Variants in COLEC10 observed in about 807,000 individuals in gnomAD.
COLEC10 encodes the protein collectin subfamily member 10, also known as collectin-10.
In COLEC10, 22 loss-of-function variants were observed where a neutral mutation model predicts 28.4. The ratio of observed to expected loss-of-function variants is 0.78; its 90% CI spans 0.55 to 1.11. The LOEUF (loss-of-function observed/expected upper bound fraction) is 1.11. COLEC10 is among the 50% of genes least tolerant of loss of function. The pLI is 0.00. For synonymous variants in COLEC10, 125 were observed against 116.1 expected, an observed-to-expected ratio of 1.08 and a Z score of -0.49; for missense variants, 361 against 344.1, an observed-to-expected ratio of 1.05 and a Z score of -0.39.
At chr8:119,033,362 C>CA (rs33910332) in intron 2 of COLEC10, among the ~76,000 whole-genome samples, 95,358 of 151,976 alleles carry the variant, frequency 0.63, 30,941 homozygotes, top group African/African-American at 0.79. Flanking sequence ...ACTATAACAC[C>CA]AAAGCAATGG....
At chr8:118,962,566 A>G in the COLEC10 span, among the ~76,000 whole-genome samples, 1 of 152,110 alleles carries the variant, frequency 6.6e-6, no homozygotes, top group Non-Finnish European at 1.5e-5. Flanking sequence ...CATATTCAAT[A>G]CCTCCCAACC....
chr8:119,030,484 T>C (rs1271697879), intron 2 of COLEC10, among the ~76,000 whole-genome samples: 1 of 152,034 alleles, frequency 6.6e-6, no homozygotes, highest in Non-Finnish European at 1.5e-5. Flanking sequence ...GCCAATATGG[T>C]GAAACCCCGT....
At chr8:119,049,765 G>T (rs1814646397) in intron 2 of COLEC10, among the ~76,000 whole-genome samples, 1 of 152,098 alleles carries the variant, frequency 6.6e-6, no homozygotes, top group African/African-American at 2.4e-5. Context: ...TCTGAAAGAG[G>T]AACATTAAGT....
intron 2 of COLEC10, among the ~76,000 whole-genome samples, chr8:119,051,593 G>A (rs1054365616): frequency 2.0e-5 from 3 of 152,128 alleles, no homozygotes; most frequent in Admixed American, 1.3e-4. Context: ...GCTCATTAAC[G>A]CATGAATGAA....
intron 1 of COLEC10, among the ~76,000 whole-genome samples, chr8:119,076,971 C>T (rs1314983791): frequency 1.3e-5 from 2 of 152,124 alleles, no homozygotes; most frequent in African/African-American, 4.8e-5. Flanking sequence ...TTTGATACAC[C>T]ATAAAGGAAA....
intron 2 of COLEC10, among the ~76,000 whole-genome samples, chr8:119,028,421 A>C (rs754965727): frequency 6.6e-6 from 1 of 152,182 alleles, no homozygotes; most frequent in Non-Finnish European, 1.5e-5. Context: ...TAACAGTTCC[A>C]TATGGCTGGG....
the COLEC10 span, among the ~76,000 whole-genome samples, chr8:118,953,725 T>C: frequency 1.3e-5 from 2 of 152,184 alleles, no homozygotes; most frequent in African/African-American, 4.8e-5. Flanking sequence ...CTCAGCACAA[T>C]GCCTGGCCCA....
At chr8:119,048,273 TTAGAA>T (rs1478528955) in intron 2 of COLEC10, among the ~76,000 whole-genome samples, 22 of 152,234 alleles carry the variant, frequency 1.4e-4, no homozygotes, top group Non-Finnish European at 2.1e-4. Flanking sequence ...ATTAACTCGC[TTAGAA>T]TTATAATCTA....
chr8:118,966,804 G>A, the COLEC10 span, among the ~76,000 whole-genome samples: 1 of 151,778 alleles, frequency 6.6e-6, no homozygotes, highest in Admixed American at 6.6e-5. Context: ...GAATGCCAAG[G>A]CATACCATAA....
At chr8:119,016,434 C>A (rs1363465540) in intron 2 of COLEC10, among the ~76,000 whole-genome samples, 5 of 152,096 alleles carry the variant, frequency 3.3e-5, no homozygotes, top group Non-Finnish European at 5.9e-5. Flanking sequence ...CACTGATAGG[C>A]ATTTGGGTTG....
chr8:118,970,659 A>G, the COLEC10 span, among the ~76,000 whole-genome samples: 1 of 151,452 alleles, frequency 6.6e-6, no homozygotes, highest in Non-Finnish European at 1.5e-5. Context: ...GACTAAGTAC[A>G]TGCTTTTGCT....
the COLEC10 span, among the ~76,000 whole-genome samples, chr8:118,961,162 C>A: frequency 6.6e-6 from 1 of 152,106 alleles, no homozygotes; most frequent in Non-Finnish European, 1.5e-5. Context: ...GATTAATATT[C>A]CTACTATAGT....
chr8:119,095,758 T>C (rs1344880732), intron 3 of COLEC10, among the ~76,000 whole-genome samples: 2 of 152,068 alleles, frequency 1.3e-5, no homozygotes, highest in African/African-American at 4.8e-5. Context: ...CTTTTAGAAA[T>C]TGATAAGCCA....
chr8:119,020,522 A>C (rs1178919627), intron 2 of COLEC10, among the ~76,000 whole-genome samples: 1 of 152,152 alleles, frequency 6.6e-6, no homozygotes, highest in Non-Finnish European at 1.5e-5. Context: ...ACTGGGATTA[A>C]ATTTTAAGGT....
chr8:119,103,161 T>C (rs1251444249), intron 4 of COLEC10, among the ~76,000 whole-genome samples: 4 of 152,162 alleles, frequency 2.6e-5, no homozygotes, highest in Non-Finnish European at 5.9e-5. Context: ...GTCACAGCAA[T>C]ATTTGCAGGT....
intron 2 of COLEC10, among the ~76,000 whole-genome samples, chr8:119,017,918 G>A (rs1176913999): frequency 6.6e-6 from 1 of 152,146 alleles, no homozygotes; most frequent in African/African-American, 2.4e-5. Flanking sequence ...GCCACCTTGA[G>A]GGAGGGCAAA....
intron 3 of COLEC10, among the ~76,000 whole-genome samples, chr8:119,099,123 TTA>T (rs1385859286): frequency 6.6e-6 from 1 of 152,086 alleles, no homozygotes; most frequent in Admixed American, 6.6e-5. Flanking sequence ...GCTGAAAGCA[TTA>T]TGATTTTTTT....
intron 2 of COLEC10, among the ~76,000 whole-genome samples, chr8:119,090,930 T>C (rs1275818110): frequency 6.6e-6 from 1 of 152,210 alleles, no homozygotes; most frequent in Non-Finnish European, 1.5e-5. Flanking sequence ...TATTTTAATA[T>C]CATCATGTCC....
At chr8:119,060,556 T>C (rs543203101) in intron 2 of COLEC10, among the ~76,000 whole-genome samples, 4 of 152,270 alleles carry the variant, frequency 2.6e-5, no homozygotes, top group Admixed American at 2.6e-4. Context: ...GCTGAGGTGA[T>C]AGTGAGCTAC....
Sources: allele counts gnomAD v4.1 joint callset (sites outside exome capture counted in the v4.1 genomes callset), GRCh38; gene constraint gnomAD v4.1.1; transcripts MANE v1.5; gene names NCBI Gene and HGNC (gene_info 2026-07-23, HGNC 2026-07-21).